The following PDE7B variants were observed in gnomAD, a reference collection of about 807,000 sequenced individuals.
The protein encoded by PDE7B is 3',5'-cyclic-AMP phosphodiesterase 7B.
Under a neutral mutation model 56.2 loss-of-function variants are expected in PDE7B, and 29 were observed. The ratio of observed to expected loss-of-function variants is 0.52; its 90% CI spans 0.38 to 0.70. The LOEUF is 0.70. Among genes scored for constraint, PDE7B ranks in the 30% least tolerant of loss-of-function variants. The probability of loss-of-function intolerance (pLI) is 0.00; values close to 1 mark genes in which losing one functional copy is unlikely to be tolerated. For synonymous variants in PDE7B, 197 were observed against 196.9 expected (o/e 1.00, Z 0.00); for missense variants, 490 against 565.0 (o/e 0.87, Z 1.35).
intron 1 of PDE7B, among the ~76,000 whole-genome samples, chr6:135,892,793 G>A (rs1202350218): frequency 6.6e-6 from 1 of 152,106 alleles, no homozygotes; most frequent in Non-Finnish European, 1.5e-5. Context: ...ACAATAAGTT[G>A]AATATTTCTC....
intron 2 of PDE7B, among the ~76,000 whole-genome samples, chr6:135,982,629 A>T (rs2128204379): frequency 6.6e-6 from 1 of 152,248 alleles, no homozygotes; most frequent in African/African-American, 2.4e-5. Flanking sequence ...ATAAAATCTG[A>T]TGAAGTCTGG....
chr6:136,027,400 T>C (rs912003310), intron 2 of PDE7B, among the ~76,000 whole-genome samples: 16 of 152,232 alleles, frequency 1.1e-4, no homozygotes, highest in Non-Finnish European at 2.1e-4. Flanking sequence ...AGAATGTTCT[T>C]GAAGTCTGAC....
chr6:136,014,877 A>G (rs1775950457), intron 2 of PDE7B, among the ~76,000 whole-genome samples: 1 of 152,236 alleles, frequency 6.6e-6, no homozygotes, highest in African/African-American at 2.4e-5. Context: ...GTCCACACAG[A>G]TATCAGTGGA....
intron 10 of PDE7B, 65 bp from the exon 11 acceptor site, chr6:136,181,162 T>C: frequency 8.8e-7 from 1 of 1,137,970 alleles, no homozygotes; most frequent in Non-Finnish European, 1.3e-6. Flanking sequence ...CCTCTTTGGC[T>C]TGGGGTGCTT....
intron 1 of PDE7B, among the ~76,000 whole-genome samples, chr6:135,940,792 C>T (rs747141750): frequency 1.3e-5 from 2 of 152,310 alleles, no homozygotes; most frequent in South Asian, 2.1e-4. Flanking sequence ...GGTGTATATG[C>T]AGAAATGTCC....
chr6:136,158,583 C>T (rs1395511043), intron 8 of PDE7B, among the ~76,000 whole-genome samples: 2 of 152,172 alleles, frequency 1.3e-5, no homozygotes, highest in Non-Finnish European at 2.9e-5. Flanking sequence ...GCATAACATC[C>T]AGCCTGTTAT....
intron 2 of PDE7B, chr6:136,044,586 G>T (rs1249328207): frequency 6.6e-6 from 1 of 152,096 alleles, no homozygotes; most frequent in Admixed American, 6.6e-5. Context: ...ATTAAAAAAG[G>T]TATAAGTGCA....
chr6:135,956,283 A>G (rs1214974880), intron 2 of PDE7B, among the ~76,000 whole-genome samples: 1 of 152,218 alleles, frequency 6.6e-6, no homozygotes. Flanking sequence ...CACCTTAGCC[A>G]AGAGGAGAGA....
chr6:136,144,585 G>C (rs1419059876), intron 3 of PDE7B, among the ~76,000 whole-genome samples: 1 of 152,084 alleles, frequency 6.6e-6, no homozygotes, highest in Non-Finnish European at 1.5e-5. Context: ...ATCCAAAATT[G>C]TGCTAATAAT....
At chr6:136,076,351 T>TA (rs1777128339) in intron 2 of PDE7B, among the ~76,000 whole-genome samples, 1 of 152,152 alleles carries the variant, frequency 6.6e-6, no homozygotes, top group African/African-American at 2.4e-5. Flanking sequence ...CAGTTGTCTG[T>TA]AATCCCAGCT....
intron 2 of PDE7B, among the ~76,000 whole-genome samples, chr6:136,043,321 T>C (rs1250617526): frequency 6.6e-6 from 1 of 152,128 alleles, no homozygotes; most frequent in Non-Finnish European, 1.5e-5. Flanking sequence ...GAATGACTCA[T>C]GAAAGGTTCA....
chr6:136,147,394 A>C lies in PDE7B; in HGVS notation c.210A>C (p.Lys70Asn). 6.2e-7 allele frequency: 1 copy of C among 1,613,100 alleles called. No homozygotes were observed. Among genetic ancestry groups the C allele is most frequent in the South Asian group, 1.1e-5 (1 of 91,034 alleles). ...AGATTGGCACCAAGAAAAAGGTGAA[A>C]AGACTATTAAGCTTTCAAAGATACT... ...SGEIGTKKKV[K>N]RLLSFQRYFH... Residue 70 changes from lysine (K) to asparagine (N), a missense_variant, in exon 4 of 13, where the codon AAA (lysine) becomes AAC (asparagine). Transcript: ENST00000308191.
At chr6:136,083,404 C>A (rs1777237133) in intron 2 of PDE7B, among the ~76,000 whole-genome samples, 1 of 152,078 alleles carries the variant, frequency 6.6e-6, no homozygotes, top group Admixed American at 6.6e-5. Context: ...TCTATGCCCA[C>A]CTGTATAGAA....
chr6:136,040,817 G>A (rs1776400212), intron 2 of PDE7B, among the ~76,000 whole-genome samples: 1 of 151,960 alleles, frequency 6.6e-6, no homozygotes, highest in African/African-American at 2.4e-5. Context: ...TTTCTTCCTT[G>A]GCTCAGTCAA....
intron 2 of PDE7B, chr6:136,038,473 G>A (rs1776364481): frequency 7.8e-7 from 1 of 1,289,954 alleles, no homozygotes. Flanking sequence ...GTGAGCTGCA[G>A]GCGACCAAAC....
intron 1 of PDE7B, among the ~76,000 whole-genome samples, chr6:135,856,695 A>G (rs1289856695): frequency 1.3e-5 from 2 of 152,180 alleles, no homozygotes; most frequent in Non-Finnish European, 2.9e-5. Context: ...TAACACCTCA[A>G]GCATGGAAAA....
rs1775738895 is a variant in PDE7B, at chr6:136,004,498, A to G, written c.82+56974A>G. ...TCTCCTTAAGCTGATAAGCAACTTC[A>G]GCAAAGTCTCAGGATACAAAATCAA... On this transcript the variant is annotated intron_variant, in intron 2 of 12. Transcript: ENST00000308191. Among the ~76,000 whole-genome samples, 3 of 152,330 alleles carry G rather than the reference A, an allele frequency of 2.0e-5. No homozygotes were observed. In the South Asian group the frequency reaches 6.2e-4, roughly 32 times the overall value.
intron 8 of PDE7B, among the ~76,000 whole-genome samples, chr6:136,156,521 C>G (rs959471188): frequency 6.6e-6 from 1 of 152,112 alleles, no homozygotes; most frequent in African/African-American, 2.4e-5. Flanking sequence ...AGAAGGATCT[C>G]TTTGATTATG....
At chr6:136,064,601 T>C (rs1776902240) in intron 2 of PDE7B, 2 of 152,274 alleles carry the variant, frequency 1.3e-5, no homozygotes, top group South Asian at 4.1e-4. Flanking sequence ...CTTTTTGTTT[T>C]CTCCACCTTC....
Sources: gnomAD v4.1 joint callset for allele counts (sites outside exome capture counted in the v4.1 genomes callset) on GRCh38, gnomAD v4.1.1 for gene constraint, MANE v1.5 for transcripts, NCBI Gene and HGNC (gene_info 2026-07-23, HGNC 2026-07-21) for gene names.